The following ACOT12 variants were observed in gnomAD, a reference collection of about 807,000 sequenced individuals.
The protein encoded by ACOT12 is acetyl-coenzyme A thioesterase.
A neutral mutation model predicts 67.7 loss-of-function variants in ACOT12; 51 were observed. That is an observed-to-expected ratio of 0.75 (90% CI 0.60 to 0.95). The LOEUF (loss-of-function observed/expected upper bound fraction) is 0.95. Among genes scored for constraint, ACOT12 ranks in the 40% least tolerant of loss-of-function variants. The pLI is 0.00. For missense variants in ACOT12, 734 were observed against 708.1 expected (o/e 1.04, Z -0.41); for synonymous variants, 251 against 244.6 (o/e 1.03, Z -0.24).
intron 6 of ACOT12, among the ~76,000 whole-genome samples, chr5:81,347,517 C>T (rs957695615): frequency 5.9e-5 from 9 of 152,166 alleles, no homozygotes; most frequent in Non-Finnish European, 1.0e-4. Context: ...GATCAATATT[C>T]ATAATTCAGA....
chr5:81,361,253 C>T lies in ACOT12; in HGVS notation c.361-1215G>A, dbSNP rs560122100. On this transcript the variant is annotated intron_variant, in intron 4 of 14. Coordinates refer to ENST00000307624, the MANE Select transcript of ACOT12 (RefSeq NM_130767.3). ...TTTGAAACAGGGTCTCACTCTGTTG[C>T]CCAGGCTGGAGCACAGTGGTGTAAT... Among the ~76,000 whole-genome samples the T allele has an allele frequency of 9.9e-5, 15 of 150,868 alleles. No homozygotes were observed. The South Asian group carries it at 3.1e-3, about 32-fold the overall frequency.
In ACOT12 at chr5:81,385,759, A is replaced by G; in HGVS notation, c.195T>C (p.Ala65=). The G allele has an allele frequency of 6.2e-7, 1 of 1,613,976 alleles. No individual in the cohort carries two copies. The highest frequency in any genetic ancestry group is 8.5e-7 in the Non-Finnish European group (1 of 1,179,886). ...SVDDIQFEET[A]RVGQVITIKA... ...AGCCATGGAGCAATGTCACTTACCTAGCTGTCTCCTCAAACTGTATGTCAT... is the reference window on the plus strand; with the variant it reads ...AGCCATGGAGCAATGTCACTTACCTGGCTGTCTCCTCAAACTGTATGTCAT... The change falls in exon 2 of 15, where the codon GCT becomes GCC. Residue 65 remains alanine (A), a splice_region_variant and synonymous_variant. Transcript: ENST00000307624.
chr5:81,364,712 C>G (rs1760023434), intron 3 of ACOT12, among the ~76,000 whole-genome samples: 1 of 152,156 alleles, frequency 6.6e-6, no homozygotes, highest in South Asian at 2.1e-4. Context: ...CAGGGGTGAG[C>G]CACTGCACCT....
At chr5:81,323,611 G>A in the ACOT12 span, among the ~76,000 whole-genome samples, 9 of 152,222 alleles carry the variant, frequency 5.9e-5, no homozygotes, top group East Asian at 5.8e-4. Flanking sequence ...AATGAAAGGC[G>A]ACAGAATGAA....
chr5:81,339,478 T>C (rs958599678), intron 11 of ACOT12, among the ~76,000 whole-genome samples: 3 of 152,222 alleles, frequency 2.0e-5, no homozygotes, highest in Admixed American at 1.3e-4. Context: ...TCAATGCTAA[T>C]TTCCACCAGG....
the ACOT12 span, among the ~76,000 whole-genome samples, chr5:81,316,779 G>A: frequency 3.3e-5 from 5 of 152,118 alleles, no homozygotes; most frequent in African/African-American, 4.8e-5. Context: ...TCTCATTGTG[G>A]TTTTGATTTG....
chr5:81,320,200 T>C, the ACOT12 span, among the ~76,000 whole-genome samples: 1 of 152,208 alleles, frequency 6.6e-6, no homozygotes, highest in African/African-American at 2.4e-5. Flanking sequence ...GGCCAGATAT[T>C]AAGTGAATGC....
rs746531566 is a variant in ACOT12 at position 81,345,092 on chromosome 5, G to A, written c.774-51C>T. 6 of 1,600,330 alleles carry A rather than the reference G, an allele frequency of 3.7e-6. No individual in the cohort carries two copies. In the South Asian group the frequency reaches 6.6e-5, roughly 18 times the overall value. ...GGCAAAGAGGATCTTGACCCATCAG[G>A]CCCTCCTTGCACACCGCTGCCACCT... On this transcript the variant is annotated intron_variant, in intron 7 of 14. Coordinates refer to ENST00000307624, the MANE Select transcript of ACOT12 (RefSeq NM_130767.3).
intron 10 of ACOT12, 88 bp downstream of exon 10, chr5:81,343,730 G>T: frequency 3.0e-6 from 4 of 1,320,628 alleles, no homozygotes; most frequent in Non-Finnish European, 4.3e-6. Flanking sequence ...GCCTGCGTAG[G>T]CACAGCCTAG....
intron 3 of ACOT12, among the ~76,000 whole-genome samples, chr5:81,364,194 T>C (rs1164612638): frequency 6.6e-6 from 1 of 151,258 alleles, no homozygotes; most frequent in Middle Eastern, 3.2e-3. Flanking sequence ...GTGAATTTTC[T>C]TCTAGCTTTT....
intron 5 of ACOT12, among the ~76,000 whole-genome samples, chr5:81,349,968 C>T (rs988385546): frequency 1.3e-5 from 2 of 152,138 alleles, no homozygotes; most frequent in South Asian, 2.1e-4. Context: ...GAGTATCTCA[C>T]GTTGGTTATA....
At chr5:81,362,101 C>T (rs1304753211) in intron 4 of ACOT12, among the ~76,000 whole-genome samples, 1 of 151,968 alleles carries the variant, frequency 6.6e-6, no homozygotes, top group Non-Finnish European at 1.5e-5. Flanking sequence ...TCTGATTTTC[C>T]ACTTTCAGAA....
At chr5:81,363,923 T>C (rs1280021070) in intron 3 of ACOT12, 34 bp from the exon 4 acceptor site, 1 of 1,455,406 alleles carries the variant, frequency 6.9e-7, no homozygotes, top group Non-Finnish European at 9.2e-7. Context: ...AATACACTCT[T>C]GGCCAGTTCA....
intron 3 of ACOT12, among the ~76,000 whole-genome samples, chr5:81,366,937 T>G (rs1299024936): frequency 1.3e-5 from 2 of 151,822 alleles, no homozygotes; most frequent in African/African-American, 2.4e-5. Context: ...CTCTATAAAG[T>G]CCAAAAGGAG....
chr5:81,352,874 C>T (rs2153851982), intron 5 of ACOT12, among the ~76,000 whole-genome samples: 1 of 152,204 alleles, frequency 6.6e-6, no homozygotes, highest in South Asian at 2.1e-4. Flanking sequence ...TGTGTACCCA[C>T]AGAAATTGAA....
intron 11 of ACOT12, among the ~76,000 whole-genome samples, chr5:81,336,923 A>T (rs1759022522): frequency 6.6e-6 from 1 of 152,216 alleles, no homozygotes; most frequent in South Asian, 2.1e-4. Flanking sequence ...ACAAGTGATT[A>T]TTTGCTTACA....
downstream of ACOT12, among the ~76,000 whole-genome samples, chr5:81,327,473 C>T (rs1053092957): frequency 3.3e-5 from 5 of 152,090 alleles, no homozygotes; most frequent in Non-Finnish European, 7.4e-5. Flanking sequence ...CAGAGTCTCA[C>T]TCTGTTGCGC....
At chr5:81,322,482 C>T in the ACOT12 span, among the ~76,000 whole-genome samples, 1 of 147,644 alleles carries the variant, frequency 6.8e-6, no homozygotes, top group East Asian at 1.9e-4. Context: ...AAAAAAACCC[C>T]ACATACATGT....
At chr5:81,369,868 A>AC (rs1428773762) in intron 3 of ACOT12, among the ~76,000 whole-genome samples, 2 of 152,194 alleles carry the variant, frequency 1.3e-5, no homozygotes, top group African/African-American at 4.8e-5. Flanking sequence ...TAAGAGCCCC[A>AC]CAGTTGAATA....
Sources: gnomAD v4.1 joint callset for allele counts (sites outside exome capture counted in the v4.1 genomes callset) on GRCh38, gnomAD v4.1.1 for gene constraint, MANE v1.5 for transcripts, NCBI Gene and HGNC (gene_info 2026-07-23, HGNC 2026-07-21) for gene names.